Variants in PRRC2C observed in about 807,000 individuals in gnomAD.
PRRC2C encodes protein PRRC2C.
PRRC2C carries 72 observed loss-of-function variants against 317.2 expected under a neutral mutation model. The observed-to-expected ratio is 0.23, with a 90% CI of 0.19 to 0.28. The LOEUF (loss-of-function observed/expected upper bound fraction) is 0.28. Ranked by LOEUF, PRRC2C falls within the 10% of genes least tolerant of loss-of-function variation. The probability of loss-of-function intolerance (pLI) is 1.00; values close to 1 mark genes in which losing one functional copy is unlikely to be tolerated. For synonymous variants in PRRC2C, 1,296 were observed against 1,205.9 expected, an observed-to-expected ratio of 1.07 and a Z score of -1.55; for missense variants, 3,074 against 3,459.7, an observed-to-expected ratio of 0.89 and a Z score of 2.80.
At chr1:171,530,075 T>C (rs1675489761) in intron 11 of PRRC2C, among the ~76,000 whole-genome samples, 1 of 152,166 alleles carries the variant, frequency 6.6e-6, no homozygotes, top group Admixed American at 6.5e-5. Flanking sequence ...CAAGTGTTCA[T>C]GAACTTGGAG....
At chr1:171,556,627 G>T (rs963845820) in intron 18 of PRRC2C, among the ~76,000 whole-genome samples, 1 of 152,140 alleles carries the variant, frequency 6.6e-6, no homozygotes, top group Admixed American at 6.5e-5. Context: ...CACCTTATTT[G>T]CCCCAAGGCA....
In PRRC2C at chr1:171,571,362, A is replaced by G. The variant is rs769185630; in HGVS notation, c.6694A>G (p.Ile2232Val). 3.1e-6 allele frequency: 5 copies of G among 1,612,848 alleles called. No individual in the cohort carries two copies. The highest frequency in any genetic ancestry group is 1.3e-5 in the African/African-American group (1 of 74,914). The change falls in exon 24 of 35, where the codon ATA (isoleucine) becomes GTA (valine). Residue 2232 changes from isoleucine (I) to valine (V), a missense_variant. Ile to Val is a conservative substitution (Grantham distance 29, BLOSUM62 3). Transcript: ENST00000647382. ...NTLPLPKRET[I>V]QQSSSLTSVP... ...CCTTCCCCTCCCTAAGAGGGAGACT[A>G]TACAACAGAGCTCCAGCCTAACTTC...
intron 20 of PRRC2C, 107 bp downstream of exon 20, chr1:171,561,210 A>G (rs2102676750): frequency 8.0e-6 from 9 of 1,120,096 alleles, no homozygotes; most frequent in Non-Finnish European, 9.4e-6. Context: ...TGGGAGGGTT[A>G]CTTGAGTCCG....
chr1:171,527,308 T>C (rs1050706472), intron 10 of PRRC2C, among the ~76,000 whole-genome samples: 19 of 149,800 alleles, frequency 1.3e-4, no homozygotes, highest in Admixed American at 8.0e-4. Context: ...AATTTTTGTA[T>C]TTTTAGTAGA....
In PRRC2C at chr1:171,514,660, G is replaced by C; in HGVS notation, c.400+15G>C. 6.5e-7 allele frequency: 1 copy of C among 1,548,666 alleles called. No homozygotes were observed. The highest frequency in any genetic ancestry group is 8.7e-7 in the Non-Finnish European group (1 of 1,143,866). On this transcript the variant is annotated intron_variant, in intron 4 of 34. Coordinates refer to ENST00000647382, the MANE Select transcript of PRRC2C (RefSeq NM_001387844.1). ...GCAAGGAGATGGTAAGTGGACATTA[G>C]TTGGGGAAGCTGCCTAGGCTTGATA...
At chr1:171,503,596 T>G (rs1030792792) in intron 1 of PRRC2C, among the ~76,000 whole-genome samples, 1 of 152,212 alleles carries the variant, frequency 6.6e-6, no homozygotes, top group Non-Finnish European at 1.5e-5. Flanking sequence ...TTCTTTAATA[T>G]TCTTGCCAAA....
rs1479516538 is a variant in PRRC2C at position 171,591,721 on chromosome 1, C to T, written c.8571C>T (p.Asp2857=). Residue 2857 remains aspartate, a synonymous_variant, in exon 35 of 35, where the codon GAC becomes GAT. Transcript: ENST00000647382. The stretch of plus-strand genomic sequence containing the variant: ...GTAAACCTCCTGAAACACTGACCGA[C>T]CCTCCTGGGGTCTGTCAGGAAAAAG... ...DSSKPPETLT[D]PPGVCQEKVE... is the part of the protein sequence containing the mutation. The T allele has an allele frequency of 6.2e-7, 1 of 1,613,818 alleles. No homozygotes were observed. Among genetic ancestry groups the T allele is most frequent in the Non-Finnish European group, 8.5e-7 (1 of 1,179,904 alleles).
chr1:171,540,405 G>A lies in PRRC2C; in HGVS notation c.2939G>A (p.Gly980Glu), dbSNP rs1432852221. 1 of 1,613,090 alleles carries A rather than the reference G, an allele frequency of 6.2e-7. No homozygotes were observed. The highest frequency in any genetic ancestry group is 2.2e-5 in the East Asian group (1 of 44,856). The change falls in exon 16 of 35, where the codon GGA (glycine) becomes GAA (glutamate). Residue 980 changes from glycine to glutamate, a missense_variant. Transcript: ENST00000647382. ...GAAGGCTTTATACGATCTTCTGAAG[G>A]ACCAAAACCTGAAAAAGTATATAAA... ...KKEGFIRSSE[G>E]PKPEKVYKSK...
chr1:171,511,936 T>C, intron 1 of PRRC2C, 96 bp from the exon 2 acceptor site: 1 of 507,894 alleles, frequency 2.0e-6, no homozygotes, highest in Non-Finnish European at 3.6e-6. Context: ...TTCTATGAAA[T>C]TATCATTGAT....
At chr1:171,522,400 T>C in intron 7 of PRRC2C, 141 bp downstream of exon 7, 1 of 456,126 alleles carries the variant, frequency 2.2e-6, no homozygotes, top group Non-Finnish European at 4.0e-6. Flanking sequence ...AGTAAATAAT[T>C]GGCTAACTCT....
chr1:171,489,204 G>A (rs1431772325), intron 1 of PRRC2C, among the ~76,000 whole-genome samples: 1 of 152,164 alleles, frequency 6.6e-6, no homozygotes, highest in African/African-American at 2.4e-5. Flanking sequence ...AGAAAATGCT[G>A]TCAGGTTTTT....
At chr1:171,504,343 G>A (rs773155511) in intron 1 of PRRC2C, among the ~76,000 whole-genome samples, 1 of 152,032 alleles carries the variant, frequency 6.6e-6, no homozygotes, top group Non-Finnish European at 1.5e-5. Flanking sequence ...TATCTAAGAA[G>A]TCCTTATCTA....
rs771101030 is a variant in PRRC2C at position 171,541,882 on chromosome 1, T to C, written c.4416T>C (p.Asn1472=). ...TVNNVAQEPV[N]TLGDISGNKT... ...ATAATGTGGCTCAAGAACCAGTTAA[T>C]ACTCTTGGGGATATTTCCGGGAATA... The change falls in exon 16 of 35, where the codon AAT becomes AAC. Residue 1472 remains asparagine, a synonymous_variant. Transcript: ENST00000647382. The surrounding 1 kb of genome is among the most constrained non-coding windows in gnomAD (Gnocchi z 4.1). The C allele has an allele frequency of 5.0e-6, 8 of 1,613,786 alleles. No individual in the cohort carries two copies. Among genetic ancestry groups the C allele is most frequent in the Non-Finnish European group, 6.8e-6 (8 of 1,179,842 alleles).
At chr1:171,494,094 A>AT (rs1348768444) in intron 1 of PRRC2C, among the ~76,000 whole-genome samples, 1 of 152,246 alleles carries the variant, frequency 6.6e-6, no homozygotes, top group African/African-American at 2.4e-5. Flanking sequence ...CAGTTGTGTA[A>AT]TTTTAACAAT....
chr1:171,496,019 G>A (rs892332054), intron 1 of PRRC2C, among the ~76,000 whole-genome samples: 3 of 151,746 alleles, frequency 2.0e-5, no homozygotes, highest in African/African-American at 7.3e-5. Flanking sequence ...TTTTTATAAG[G>A]ACACTAATCC....
chr1:171,555,257 C>G (rs534339178), intron 18 of PRRC2C, among the ~76,000 whole-genome samples: 1 of 152,310 alleles, frequency 6.6e-6, no homozygotes, highest in African/African-American at 2.4e-5. Flanking sequence ...ATCGAATCGG[C>G]TACTGAAGCT....
intron 19 of PRRC2C, among the ~76,000 whole-genome samples, chr1:171,558,355 A>T (rs1681850989): frequency 8.1e-6 from 1 of 124,024 alleles, no homozygotes; most frequent in African/African-American, 3.1e-5. Context: ...TTTTGTGTTG[A>T]TGAGAAAATA....
At chr1:171,591,375 T>G (rs1290565753) in intron 34 of PRRC2C, 2 of 519,434 alleles carry the variant, frequency 3.9e-6, no homozygotes, top group East Asian at 5.2e-5. Context: ...GTCCTGTGGT[T>G]TTTTTTTTTT....
intron 1 of PRRC2C, among the ~76,000 whole-genome samples, chr1:171,496,452 C>T (rs533438882): frequency 1.3e-5 from 2 of 152,190 alleles, no homozygotes; most frequent in South Asian, 2.1e-4. Context: ...ATCCACCTGC[C>T]TTGGCCTCCC....
Sources: allele counts gnomAD v4.1 joint callset (sites outside exome capture counted in the v4.1 genomes callset), GRCh38; gene constraint gnomAD v4.1.1; non-coding constraint Gnocchi (gnomAD v3.1); transcripts MANE v1.5; gene names NCBI Gene and HGNC (gene_info 2026-07-23, HGNC 2026-07-21).